The following NLGN4X variants were observed in gnomAD, a reference collection of about 807,000 sequenced individuals.
NLGN4X encodes neuroligin 4 X-linked.
NLGN4X carries 3 observed loss-of-function variants against 40.3 expected under a neutral mutation model. The observed-to-expected ratio is 0.07, with a 90% CI of 0.03 to 0.19. NLGN4X has a LOEUF of 0.19. Ranked by LOEUF, NLGN4X falls within the 10% of genes least tolerant of loss-of-function variation. The pLI is 1.00. For missense variants in NLGN4X, 382 were observed against 708.3 expected, an observed-to-expected ratio of 0.54 and a Z score of 5.23; for synonymous variants, 270 against 306.8, an observed-to-expected ratio of 0.88 and a Z score of 1.25.
At position 6,151,443 on chromosome X, in the gene NLGN4X, T is replaced by C. The variant is rs749123690; in HGVS notation, c.24A>G (p.Leu8=). MSRPQGL[L]WLPLLFTPVC... ...CCGGGGTGAACAACAAAGGAAGCCA[T>C]AGCAGTCCCTGGGGCCGTGACATGG... Residue 8 remains leucine (L), a synonymous_variant, in exon 2 of 6, where the codon CTA becomes CTG. Transcript: ENST00000381095. 13 of 1,208,597 alleles carry C rather than the reference T, an allele frequency of 1.1e-5. No homozygotes were observed. In the South Asian group the frequency reaches 1.9e-4, roughly 18 times the overall value.
At chrX:5,897,203 TG>T (rs1466240171) in intron 5 of NLGN4X, among the ~76,000 whole-genome samples, 2 of 111,821 alleles carry the variant, frequency 1.8e-5, no homozygotes, top group East Asian at 5.6e-4. Context: ...TATAATGCAT[TG>T]TTTGGTTACT....
In NLGN4X at chrX:6,026,856, G is replaced by A. The variant is rs747854592; in HGVS notation, c.625+2424C>T. On this transcript the variant is annotated intron_variant, in intron 3 of 5. Coordinates refer to ENST00000381095, the MANE Select transcript of NLGN4X (RefSeq NM_181332.3). ...AGTTTTTTTTTCCTCTAAAAAAAGT[G>A]TGTATACTTTCCAGGCTAATTTGCA... Among the ~76,000 whole-genome samples the A allele has an allele frequency of 5.4e-5, 6 of 111,175 alleles. No individual in the cohort carries two copies. In the Admixed American group the frequency reaches 5.8e-4, roughly 11 times the overall value.
intron 2 of NLGN4X, among the ~76,000 whole-genome samples, chrX:6,045,170 T>C (rs772801140): frequency 4.5e-5 from 5 of 112,334 alleles, no homozygotes; most frequent in African/African-American, 1.3e-4. Flanking sequence ...ATGTGAACAC[T>C]GCATCTACTG....
At chrX:5,998,773 C>T (rs1389349337) in intron 3 of NLGN4X, among the ~76,000 whole-genome samples, 2 of 112,489 alleles carry the variant, frequency 1.8e-5, no homozygotes, top group African/African-American at 6.5e-5. Context: ...GAAAATGTGG[C>T]ATTCTTTAGA....
At chrX:5,925,897 T>TATATAA (rs1569134570) in intron 3 of NLGN4X, among the ~76,000 whole-genome samples, 5 of 19,144 alleles carry the variant, frequency 2.6e-4, no homozygotes, top group Middle Eastern at 0.019. Flanking sequence ...TATATATATA[T>TATATAA]ATATATATAT....
intron 2 of NLGN4X, among the ~76,000 whole-genome samples, chrX:6,070,211 A>G (rs781037984): frequency 4.0e-4 from 44 of 110,778 alleles, no homozygotes; most frequent in Non-Finnish European, 5.3e-4. Flanking sequence ...CATAGTATGT[A>G]CTAAAATAAG....
chrX:5,899,746 G>A (rs1390604923), intron 5 of NLGN4X, among the ~76,000 whole-genome samples: 1 of 104,859 alleles, frequency 9.5e-6, no homozygotes, highest in Non-Finnish European at 1.9e-5. Context: ...CAGTCTCATA[G>A]CCTTTGGAAG....
At chrX:6,218,116 T>C (rs778402507) in intron 1 of NLGN4X, among the ~76,000 whole-genome samples, 1 of 111,109 alleles carries the variant, frequency 9.0e-6, no homozygotes, top group African/African-American at 3.3e-5. Flanking sequence ...GGCATGCATG[T>C]TAAGGCTTCT....
chrX:6,171,979 C>T (rs1263765719), intron 1 of NLGN4X, among the ~76,000 whole-genome samples: 2 of 111,171 alleles, frequency 1.8e-5, no homozygotes, highest in Admixed American at 1.9e-4. Context: ...CTCTCTCTTC[C>T]TCGTGCTCCA....
intron 2 of NLGN4X, among the ~76,000 whole-genome samples, chrX:6,121,767 A>G (rs908599706): frequency 8.9e-6 from 1 of 112,620 alleles, no homozygotes; most frequent in African/African-American, 3.2e-5. Context: ...AAATTCCTGG[A>G]CAGACAGATG....
intron 2 of NLGN4X, among the ~76,000 whole-genome samples, chrX:6,106,107 T>C (rs2039026506): frequency 8.9e-6 from 1 of 111,927 alleles, no homozygotes; most frequent in Non-Finnish European, 1.9e-5. Flanking sequence ...AACTCATTAA[T>C]ATTCCTGCAG....
intron 2 of NLGN4X, among the ~76,000 whole-genome samples, chrX:6,109,298 C>T (rs766968202): frequency 9.0e-6 from 1 of 111,150 alleles, no homozygotes; most frequent in East Asian, 2.8e-4. Context: ...TCTCTAATAC[C>T]CTATGTACTG....
chrX:6,031,271 T>G (rs898822702), intron 2 of NLGN4X, among the ~76,000 whole-genome samples: 2 of 111,843 alleles, frequency 1.8e-5, no homozygotes, highest in African/African-American at 6.5e-5. Flanking sequence ...TTATTTCATT[T>G]TTATGTATTT....
intron 1 of NLGN4X, among the ~76,000 whole-genome samples, chrX:6,207,608 C>T (rs377125448): frequency 8.9e-6 from 1 of 111,953 alleles, no homozygotes; most frequent in East Asian, 2.8e-4. Flanking sequence ...GGGAAAAGAA[C>T]AGGATTCACT....
intron 3 of NLGN4X, among the ~76,000 whole-genome samples, chrX:6,025,769 T>C (rs1349993285): frequency 1.8e-5 from 2 of 108,775 alleles, no homozygotes; most frequent in Non-Finnish European, 3.8e-5. Context: ...CGGGGCGTGG[T>C]GGCAGGCGCC....
At chrX:6,058,536 T>A (rs1197187833) in intron 2 of NLGN4X, among the ~76,000 whole-genome samples, 1 of 112,211 alleles carries the variant, frequency 8.9e-6, no homozygotes, top group African/African-American at 3.2e-5. Context: ...TTGTTAGAAA[T>A]TTTTATTTTA....
At chrX:5,907,983 A>G (rs983155659) in intron 4 of NLGN4X, among the ~76,000 whole-genome samples, 1 of 90,649 alleles carries the variant, frequency 1.1e-5, no homozygotes, top group Non-Finnish European at 2.2e-5. Context: ...GAGACAGAGA[A>G]AAGGAGAGAG....
intron 2 of NLGN4X, among the ~76,000 whole-genome samples, chrX:6,145,344 A>G (rs1319835144): frequency 8.9e-6 from 1 of 112,300 alleles, no homozygotes; most frequent in Non-Finnish European, 1.9e-5. Context: ...TATTTCCAGA[A>G]AGAAGCAAAG....
chrX:6,035,341 G>A (rs894486511), intron 2 of NLGN4X, among the ~76,000 whole-genome samples: 26 of 111,318 alleles, frequency 2.3e-4, no homozygotes, highest in African/African-American at 8.5e-4. Flanking sequence ...ATTCTTTTAA[G>A]GATTGTACTT....
Sources: gnomAD v4.1 joint callset for allele counts (sites outside exome capture counted in the v4.1 genomes callset) on GRCh38, gnomAD v4.1.1 for gene constraint, MANE v1.5 for transcripts, NCBI Gene and HGNC (gene_info 2026-07-23, HGNC 2026-07-21) for gene names.